Variants in ZNF280D observed in about 807,000 individuals in gnomAD.
ZNF280D encodes suppressor of hairy wing homolog 4.
A neutral mutation model predicts 94.7 loss-of-function variants in ZNF280D; 39 were observed. That is an observed-to-expected ratio of 0.41 (90% confidence interval 0.32 to 0.54). ZNF280D has a LOEUF of 0.54. Ranked by LOEUF, ZNF280D falls within the 20% of genes least tolerant of loss-of-function variation. ZNF280D has a pLI of 0.22. For missense variants in ZNF280D, 1,090 were observed against 1,149.3 expected (o/e 0.95, Z 0.75); for synonymous variants, 398 against 377.6 (o/e 1.05, Z -0.63).
intron 10 of ZNF280D, among the ~76,000 whole-genome samples, chr15:56,679,509 A>C (rs1196566557): frequency 1.3e-5 from 2 of 152,186 alleles, no homozygotes; most frequent in Non-Finnish European, 1.5e-5. Context: ...TACATTTTTC[A>C]GTTTTACATT....
At chr15:56,727,756 A>C (rs2058696829) in intron 1 of ZNF280D, among the ~76,000 whole-genome samples, 1 of 152,224 alleles carries the variant, frequency 6.6e-6, no homozygotes, top group Non-Finnish European at 1.5e-5. Flanking sequence ...AGACAGCAGC[A>C]CTTTAGACTC....
At chr15:56,658,721 T>C (rs964058475) in intron 16 of ZNF280D, among the ~76,000 whole-genome samples, 5 of 152,164 alleles carry the variant, frequency 3.3e-5, no homozygotes, top group Non-Finnish European at 7.4e-5. Context: ...GTTAGCACTG[T>C]ACCTTACCAT....
chr15:56,682,354 A>T lies in ZNF280D; in HGVS notation c.904T>A (p.Phe302Ile). The T allele has an allele frequency of 6.2e-7, 1 of 1,600,810 alleles. No individual in the cohort carries two copies. Among genetic ancestry groups the T allele is most frequent in the Non-Finnish European group, 8.5e-7 (1 of 1,176,626 alleles). The stretch of plus-strand genomic sequence containing the variant: ...TCTCCTTCATGTTTTCCATAATAAA[A>T]GTCATTAACTAACATGATCAATTTT... ...KGKLIMLVND[F>I]YYGKHEGDVQ... Residue 302 changes from phenylalanine (F) to isoleucine (I), a missense_variant, in exon 10 of 22, where the codon TTT becomes ATT. By Grantham distance (21) the Phe-to-Ile change is conservative (BLOSUM62 0). This residue lies in a region of ZNF280D where 386 missense variants were observed against 372.0 expected (regional missense o/e 1.04). Coordinates refer to ENST00000267807, the MANE Select transcript of ZNF280D (RefSeq NM_017661.4).
rs1478392983 is a variant in ZNF280D at position 56,653,934 on chromosome 15, G to A, written c.2213+264C>T. 7.4e-6 allele frequency: 10 copies of A among 1,344,816 alleles called. No homozygotes were observed. In the Admixed American group the frequency reaches 3.2e-4, roughly 44 times the overall value. 83.3% of individuals were successfully genotyped at this position (1,344,816 alleles called of 1,614,324 possible). The stretch of plus-strand genomic sequence containing the variant: ...AAAGCTGAAAAGAGCTGAATAATGA[G>A]AGCTAGTGTCATGAACTTGGCTGCT... On this transcript the variant is annotated intron_variant, in intron 19 of 21. Transcript: ENST00000267807.
chr15:56,696,039 C>T (rs1410826746), intron 6 of ZNF280D, among the ~76,000 whole-genome samples: 2 of 152,092 alleles, frequency 1.3e-5, no homozygotes, highest in Admixed American at 6.6e-5. Context: ...TTATTACTAA[C>T]TTTTCTATTG....
intron 13 of ZNF280D, among the ~76,000 whole-genome samples, chr15:56,673,094 C>A (rs1195896011): frequency 3.3e-5 from 5 of 151,986 alleles, no homozygotes; most frequent in African/African-American, 4.8e-5. Context: ...GAGTTGAGTT[C>A]CCAGAAATCT....
At chr15:56,643,018 T>C in intron 19 of ZNF280D, 21 bp from the exon 20 acceptor site, 12 of 1,437,404 alleles carry the variant, frequency 8.3e-6, no homozygotes, top group South Asian at 1.4e-5. Context: ...AGATAAGTAT[T>C]GAATATTTTA....
intron 17 of ZNF280D, among the ~76,000 whole-genome samples, chr15:56,656,413 G>C (rs1363802908): frequency 2.6e-5 from 4 of 152,082 alleles, no homozygotes; most frequent in Admixed American, 2.6e-4. Flanking sequence ...ATAGTTCATT[G>C]AGAAACTAAA....
chr15:56,715,035 T>C (rs1054349946), intron 1 of ZNF280D, among the ~76,000 whole-genome samples: 16 of 152,088 alleles, frequency 1.1e-4, no homozygotes, highest in Non-Finnish European at 2.2e-4. Context: ...CAGCAGAGGT[T>C]CTTGATAACG....
chr15:56,700,739 G>A, intron 6 of ZNF280D, 194 bp downstream of exon 6: 1 of 1,475,030 alleles, frequency 6.8e-7, no homozygotes, highest in South Asian at 1.4e-5. Flanking sequence ...AACAGGTTGG[G>A]TAGTTAGCTC....
intron 17 of ZNF280D, chr15:56,654,728 T>C (rs140344804): frequency 8.8e-6 from 5 of 567,750 alleles, no homozygotes; most frequent in African/African-American, 1.8e-5. Context: ...TTTACACTTT[T>C]ACCTGTCATA....
At chr15:56,707,190 G>C (rs775637254) in intron 2 of ZNF280D, 40 bp from the exon 3 acceptor site, 20 of 1,609,116 alleles carry the variant, frequency 1.2e-5, no homozygotes, top group South Asian at 2.2e-5. Flanking sequence ...GTCACTTTAA[G>C]TAACACCAAA....
At chr15:56,728,164 C>A (rs1451242573) in intron 1 of ZNF280D, among the ~76,000 whole-genome samples, 1 of 152,112 alleles carries the variant, frequency 6.6e-6, no homozygotes, top group Admixed American at 6.5e-5. Context: ...CCTGGGACCA[C>A]AGGCACATGC....
chr15:56,643,672 T>C (rs2052736292), intron 19 of ZNF280D, among the ~76,000 whole-genome samples: 1 of 151,882 alleles, frequency 6.6e-6, no homozygotes, highest in African/African-American at 2.4e-5. Flanking sequence ...AACTAGCTTA[T>C]CCAAAGGATC....
chr15:56,693,345 T>C (rs1375567848), intron 6 of ZNF280D, 130 bp from the exon 7 acceptor site: 7 of 235,178 alleles, frequency 3.0e-5, no homozygotes, highest in African/African-American at 1.4e-4. Flanking sequence ...TAAAAGTAAA[T>C]TGTATGCCCA....
intron 6 of ZNF280D, among the ~76,000 whole-genome samples, chr15:56,693,769 T>C (rs1242509325): frequency 1.3e-5 from 2 of 152,174 alleles, no homozygotes; most frequent in South Asian, 2.1e-4. Flanking sequence ...ATCTGCAGTA[T>C]TGTGCATCAG....
At chr15:56,718,457 T>A (rs774306872) in intron 1 of ZNF280D, among the ~76,000 whole-genome samples, 4 of 152,210 alleles carry the variant, frequency 2.6e-5, no homozygotes, top group Non-Finnish European at 5.9e-5. Context: ...AGCATCATGA[T>A]AAATCAACTT....
intron 1 of ZNF280D, among the ~76,000 whole-genome samples, chr15:56,725,861 G>A (rs1382369846): frequency 1.3e-5 from 2 of 151,642 alleles, no homozygotes; most frequent in Non-Finnish European, 2.9e-5. Context: ...TTATGTGTAA[G>A]GCATTGTGTT....
chr15:56,674,178 G>A (rs1451588016), intron 13 of ZNF280D, among the ~76,000 whole-genome samples: 1 of 151,988 alleles, frequency 6.6e-6, no homozygotes, highest in Non-Finnish European at 1.5e-5. Flanking sequence ...ATGCATGTGA[G>A]TAGCATGTAC....
Sources: gnomAD v4.1 joint callset for allele counts (sites outside exome capture counted in the v4.1 genomes callset) on GRCh38, gnomAD v4.1.1 for gene constraint, gnomAD v4.1.1 regional missense constraint, MANE v1.5 for transcripts, NCBI Gene and HGNC (gene_info 2026-07-23, HGNC 2026-07-21) for gene names.